The following RPSA2 variants were observed in gnomAD, a reference collection of about 807,000 sequenced individuals.
The protein encoded by RPSA2 is small ribosomal subunit protein uS2B.
At chr19:23,761,930 T>TCCTTCCTTCCTTCCTTCCTTC in the RPSA2 span, among the ~76,000 whole-genome samples, 18 of 127,442 alleles carry the variant, frequency 1.4e-4, no homozygotes, top group Non-Finnish European at 1.8e-4. Flanking sequence ...CTTTTTTTTT[T>TCCTTCCTTCCTTCCTTCCTTC]TTTTTGAGAT....
the RPSA2 span, chr19:23,832,210 A>C: frequency 2.0e-4 from 84 of 428,130 alleles, no homozygotes; most frequent in African/African-American, 1.5e-3. Flanking sequence ...GCACAGAAGA[A>C]AGAAACTCTA....
At chr19:23,867,386 AC>A in the RPSA2 span, among the ~76,000 whole-genome samples, 2 of 152,232 alleles carry the variant, frequency 1.3e-5, no homozygotes, top group Non-Finnish European at 2.9e-5. Context: ...GTCGAGACTT[AC>A]TTATAGCATT....
the RPSA2 span, among the ~76,000 whole-genome samples, chr19:23,783,283 C>T: frequency 7.2e-5 from 11 of 151,972 alleles, no homozygotes; most frequent in South Asian, 4.2e-4. Flanking sequence ...TTGATAGAGA[C>T]GGGGCTTCTC....
chr19:23,799,071 C>A, the RPSA2 span: 1 of 152,198 alleles, frequency 6.6e-6, no homozygotes, highest in Non-Finnish European at 1.5e-5. Flanking sequence ...ACTCATGTTT[C>A]TCATGCTGAG....
At chr19:23,854,145 C>A in the RPSA2 span, among the ~76,000 whole-genome samples, 23 of 152,184 alleles carry the variant, frequency 1.5e-4, no homozygotes, top group South Asian at 4.8e-3. Context: ...GAAACAGGAA[C>A]CTTGGCAGAC....
the RPSA2 span, among the ~76,000 whole-genome samples, chr19:23,766,509 T>A: frequency 6.7e-6 from 1 of 149,794 alleles, no homozygotes; most frequent in South Asian, 2.1e-4. Flanking sequence ...TGGAGGGCAG[T>A]GGCGCGATCT....
At chr19:23,867,301 T>C in the RPSA2 span, among the ~76,000 whole-genome samples, 1 of 152,222 alleles carries the variant, frequency 6.6e-6, no homozygotes, top group Non-Finnish European at 1.5e-5. Flanking sequence ...GCTGAGATTT[T>C]ACCTTGTCTT....
chr19:23,771,825 T>G, the RPSA2 span, among the ~76,000 whole-genome samples: 1 of 152,188 alleles, frequency 6.6e-6, no homozygotes, highest in African/African-American at 2.4e-5. Flanking sequence ...TATTGACATG[T>G]GGCTGGTTCT....
chr19:23,778,226 G>A, the RPSA2 span, among the ~76,000 whole-genome samples: 1 of 152,070 alleles, frequency 6.6e-6, no homozygotes, highest in African/African-American at 2.4e-5. Flanking sequence ...TTTTTGTTTT[G>A]TTTTTGATGG....
the RPSA2 span, among the ~76,000 whole-genome samples, chr19:23,775,990 C>T: frequency 1.3e-5 from 2 of 152,158 alleles, 1 homozygote; most frequent in South Asian, 4.1e-4. Flanking sequence ...GCCCAGCCTA[C>T]AAATAGGATT....
chr19:23,789,792 C>G, the RPSA2 span, among the ~76,000 whole-genome samples: 1 of 151,824 alleles, frequency 6.6e-6, no homozygotes, highest in African/African-American at 2.4e-5. Context: ...TAACTGCAGT[C>G]TCAGTCTCCT....
the RPSA2 span, among the ~76,000 whole-genome samples, chr19:23,790,965 C>G: frequency 6.6e-6 from 1 of 152,178 alleles, no homozygotes; most frequent in African/African-American, 2.4e-5. Flanking sequence ...GGCCCCCGGG[C>G]GTCCTGTCTT....
the RPSA2 span, among the ~76,000 whole-genome samples, chr19:23,859,645 T>C: frequency 6.6e-6 from 1 of 152,116 alleles, no homozygotes; most frequent in African/African-American, 2.4e-5. Flanking sequence ...AAAAATTGAA[T>C]TGCTTAGTCA....
At chr19:23,783,539 C>CAAAA in the RPSA2 span, among the ~76,000 whole-genome samples, 4 of 131,038 alleles carry the variant, frequency 3.1e-5, no homozygotes, top group African/African-American at 8.7e-5. Flanking sequence ...TGAGCACTGC[C>CAAAA]AAAAAAAAAA....
chr19:23,785,581 T>G, the RPSA2 span, among the ~76,000 whole-genome samples: 148,862 of 152,194 alleles, frequency 0.98, 72,896 homozygotes, highest in Middle Eastern at 1. Context: ...GCTGCCTGTC[T>G]TGCTTTCAGG....
chr19:23,857,173 G>A, the RPSA2 span, among the ~76,000 whole-genome samples: 1 of 152,142 alleles, frequency 6.6e-6, no homozygotes, highest in South Asian at 2.1e-4. Flanking sequence ...AAAGAATTTA[G>A]CGATATCTGC....
the RPSA2 span, among the ~76,000 whole-genome samples, chr19:23,825,136 C>T: frequency 4.1e-4 from 62 of 152,106 alleles, no homozygotes; most frequent in East Asian, 2.1e-3. Context: ...CCCGCCACCA[C>T]GCCCAGCTAT....
the RPSA2 span, chr19:23,833,162 C>T: frequency 1.5e-5 from 18 of 1,196,430 alleles, no homozygotes; most frequent in Admixed American, 3.6e-5. Flanking sequence ...TGTGCCAATG[C>T]CTTTTCCTGG....
the RPSA2 span, among the ~76,000 whole-genome samples, chr19:23,759,554 C>T: frequency 1.8e-4 from 15 of 84,386 alleles, no homozygotes; most frequent in South Asian, 4.9e-3. Context: ...GACGGAGTCT[C>T]GCTCTGTTGC....
Sources: gnomAD v4.1 joint callset for allele counts (sites outside exome capture counted in the v4.1 genomes callset) on GRCh38, gnomAD v4.1.1 for gene constraint, MANE v1.5 for transcripts, NCBI Gene and HGNC (gene_info 2026-07-23, HGNC 2026-07-21) for gene names.